Variants in CEP128 observed in about 807,000 individuals in gnomAD.
CEP128 encodes centrosomal protein 128kDa.
A neutral mutation model predicts 156.7 loss-of-function variants in CEP128; 132 were observed. That is an observed-to-expected ratio of 0.84 (90% confidence interval 0.73 to 0.97). The LOEUF (loss-of-function observed/expected upper bound fraction) is 0.97, where lower values mean the gene tolerates loss of function less well. Ranked by LOEUF, CEP128 falls within the 50% of genes least tolerant of loss-of-function variation. The pLI, the probability that CEP128 is intolerant of heterozygous loss-of-function variation, is 0.00. For synonymous variants in CEP128, 469 were observed against 448.9 expected (o/e 1.04, Z -0.57); for missense variants, 1,252 against 1,281.9 (o/e 0.98, Z 0.36).
At chr14:80,547,557 T>C (rs1044024546) in intron 21 of CEP128, among the ~76,000 whole-genome samples, 1 of 152,194 alleles carries the variant, frequency 6.6e-6, no homozygotes, top group Non-Finnish European at 1.5e-5. Context: ...CAAGGATTTC[T>C]AGCATCAAGT....
intron 20 of CEP128, among the ~76,000 whole-genome samples, chr14:80,562,224 T>C (rs1341860212): frequency 6.6e-6 from 1 of 152,180 alleles, no homozygotes; most frequent in Non-Finnish European, 1.5e-5. Flanking sequence ...CCACTTTAGT[T>C]ATGTTTGTTT....
At chr14:80,863,751 A>G (rs931467372) in intron 8 of CEP128, among the ~76,000 whole-genome samples, 2 of 152,236 alleles carry the variant, frequency 1.3e-5, no homozygotes, top group Admixed American at 6.5e-5. Flanking sequence ...AGTCCTGACA[A>G]GGAACCTTAT....
chr14:80,930,747 A>G (rs1762441439), intron 2 of CEP128, among the ~76,000 whole-genome samples: 1 of 152,252 alleles, frequency 6.6e-6, no homozygotes, highest in South Asian at 2.1e-4. Context: ...AAACATGAAC[A>G]CAAAGAACAG....
chr14:80,656,323 A>ATATATATTT (rs1555387594), intron 19 of CEP128, among the ~76,000 whole-genome samples: 49 of 33,494 alleles, frequency 1.5e-3, no homozygotes, highest in African/African-American at 6.0e-3. Context: ...ATATATATAT[A>ATATATATTT]TATATATATA....
chr14:80,627,787 A>C lies in CEP128; in HGVS notation c.2807-47364T>G, dbSNP rs575954085. ...AGAAGGTAGAAAGTCCATTTTTAAA[A>C]AGCCTACTTAATGAAGTAAAAACCA... On this transcript the variant is annotated intron_variant, in intron 19 of 24. Coordinates refer to ENST00000555265, the MANE Select transcript of CEP128 (RefSeq NM_152446.5). Among the ~76,000 whole-genome samples the C allele has an allele frequency of 2.0e-5, 3 of 151,546 alleles. No individual in the cohort carries two copies. In the East Asian group the frequency reaches 5.8e-4, roughly 29 times the overall value.
chr14:80,503,429 A>G (rs1477525526), intron 24 of CEP128, among the ~76,000 whole-genome samples: 1 of 152,206 alleles, frequency 6.6e-6, no homozygotes, highest in African/African-American at 2.4e-5. Flanking sequence ...AGTACTAAAT[A>G]CAATTCCAAA....
chr14:80,514,352 A>G (rs1383458494), intron 23 of CEP128, among the ~76,000 whole-genome samples: 1 of 152,074 alleles, frequency 6.6e-6, no homozygotes, highest in East Asian at 1.9e-4. Flanking sequence ...TATTTTACAA[A>G]GTCTGACTCT....
intron 8 of CEP128, among the ~76,000 whole-genome samples, chr14:80,888,779 G>C (rs1183875323): frequency 6.6e-6 from 1 of 152,126 alleles, no homozygotes; most frequent in African/African-American, 2.4e-5. Context: ...GTTCTGGCCA[G>C]GGCAATCAGG....
At chr14:80,652,288 G>A (rs1236175706) in intron 19 of CEP128, among the ~76,000 whole-genome samples, 1 of 152,104 alleles carries the variant, frequency 6.6e-6, no homozygotes, top group Non-Finnish European at 1.5e-5. Flanking sequence ...CATGGGCAAA[G>A]ACTTCATGAC....
intron 8 of CEP128, among the ~76,000 whole-genome samples, chr14:80,874,641 G>A (rs1383709353): frequency 2.6e-5 from 4 of 152,094 alleles, no homozygotes; most frequent in African/African-American, 9.7e-5. Flanking sequence ...TTTCTGAGAC[G>A]GAGTCTCGCT....
intron 2 of CEP128, among the ~76,000 whole-genome samples, chr14:80,927,070 C>T (rs760758581): frequency 1.5e-4 from 23 of 152,192 alleles, no homozygotes; most frequent in Non-Finnish European, 2.8e-4. Context: ...GCCCAGAGTG[C>T]GGCAGCCCCA....
rs550804685 is a variant in CEP128, at chr14:80,894,921, T to C, written c.645+797A>G. ...ACAACTGGAGAAAAATTATCTACTT[T>C]TACTAGGAAACTTTCAATTTGAATA... On this transcript the variant is annotated intron_variant, in intron 8 of 24. Coordinates refer to ENST00000555265, the MANE Select transcript of CEP128 (RefSeq NM_152446.5). 2.6e-5 allele frequency among the ~76,000 whole-genome samples: 4 copies of C among 152,002 alleles called. No individual in the cohort carries two copies. In the East Asian group the frequency reaches 5.8e-4, roughly 22 times the overall value.
chr14:80,869,803 CTTAAAG>C (rs1887939410), intron 8 of CEP128, among the ~76,000 whole-genome samples: 2 of 151,770 alleles, frequency 1.3e-5, no homozygotes, highest in African/African-American at 4.8e-5. Flanking sequence ...TTTTTTTCTG[CTTAAAG>C]TTAGTTTTTT....
chr14:80,559,518 A>C (rs1890580412), intron 20 of CEP128, among the ~76,000 whole-genome samples: 1 of 152,212 alleles, frequency 6.6e-6, no homozygotes, highest in Non-Finnish European at 1.5e-5. Context: ...CTAGGACTAC[A>C]GAGTTTAAGA....
At chr14:80,767,428 AGACTG>A (rs1381376149) in intron 16 of CEP128, among the ~76,000 whole-genome samples, 1 of 152,156 alleles carries the variant, frequency 6.6e-6, no homozygotes, top group Non-Finnish European at 1.5e-5. Context: ...TGAAATATCT[AGACTG>A]ATATCAAAAA....
chr14:80,859,999 A>G (rs916932122), intron 9 of CEP128, among the ~76,000 whole-genome samples: 1 of 152,224 alleles, frequency 6.6e-6, no homozygotes, highest in Non-Finnish European at 1.5e-5. Context: ...AAAAGAGCAC[A>G]GTGGCTAGAA....
intron 21 of CEP128, among the ~76,000 whole-genome samples, chr14:80,534,275 T>C (rs1167286245): frequency 1.3e-5 from 2 of 152,170 alleles, no homozygotes; most frequent in African/African-American, 4.8e-5. Flanking sequence ...ATTAGAATCT[T>C]GTCACATTAC....
intron 19 of CEP128, among the ~76,000 whole-genome samples, chr14:80,633,429 C>T (rs981693199): frequency 6.6e-6 from 1 of 152,166 alleles, no homozygotes; most frequent in Non-Finnish European, 1.5e-5. Context: ...GTTAATACCC[C>T]TTGTAGAGCT....
rs76639494 is a variant in CEP128, at chr14:80,655,332, T to C, written c.2807-74909A>G. ...TTACTAAAATATAAATTTGCTATTG[T>C]CACACCCTATGTACATCCATTAATT... On this transcript the variant is annotated intron_variant, in intron 19 of 24. Transcript: ENST00000555265. Among the ~76,000 whole-genome samples, 735 of 152,324 alleles carry C rather than the reference T, an allele frequency of 4.8e-3. 21 individuals are homozygous for C. In the East Asian group the frequency reaches 0.089, roughly 19 times the overall value.
Sources: allele counts gnomAD v4.1 joint callset (sites outside exome capture counted in the v4.1 genomes callset), GRCh38; gene constraint gnomAD v4.1.1; transcripts MANE v1.5; gene names NCBI Gene and HGNC (gene_info 2026-07-23, HGNC 2026-07-21).